BMPR1B: variants seen among roughly 807,000 people sequenced by gnomAD.
BMPR1B encodes the protein bone morphogenetic protein receptor type 1B.
Under a neutral mutation model 59.1 loss-of-function variants are expected in BMPR1B, and 12 were observed. That is an observed-to-expected ratio of 0.20 (90% CI 0.13 to 0.33). BMPR1B has a LOEUF of 0.33. Among genes scored for constraint, BMPR1B ranks in the 10% least tolerant of loss-of-function variants. The pLI is 1.00. For synonymous variants in BMPR1B, 237 were observed against 207.3 expected (o/e 1.14, Z -1.23); for missense variants, 550 against 610.9 (o/e 0.90, Z 1.05).
intron 10 of BMPR1B, among the ~76,000 whole-genome samples, chr4:95,143,429 G>A (rs1734397250): frequency 6.6e-6 from 1 of 152,168 alleles, no homozygotes; most frequent in Admixed American, 6.5e-5. Context: ...ATAGTTTCGT[G>A]TGTCTTTTAA....
chr4:94,986,372 C>T (rs768231162), intron 2 of BMPR1B, among the ~76,000 whole-genome samples: 3 of 152,142 alleles, frequency 2.0e-5, no homozygotes, highest in Admixed American at 6.5e-5. Context: ...GAGTACATTC[C>T]TGTCAGTTTT....
intron 2 of BMPR1B, among the ~76,000 whole-genome samples, chr4:94,947,189 C>T (rs983835396): frequency 3.6e-4 from 55 of 152,296 alleles, no homozygotes; most frequent in African/African-American, 1.3e-3. Context: ...AGATTATTGC[C>T]ACTCAAAAAT....
At chr4:94,927,867 G>A (rs1728949228) in intron 2 of BMPR1B, among the ~76,000 whole-genome samples, 1 of 152,088 alleles carries the variant, frequency 6.6e-6, no homozygotes, top group Non-Finnish European at 1.5e-5. Context: ...TGTGGCAGAG[G>A]TAATGTAAAG....
At chr4:94,857,985 G>A (rs934398987) in intron 1 of BMPR1B, among the ~76,000 whole-genome samples, 19 of 151,584 alleles carry the variant, frequency 1.3e-4, no homozygotes, top group African/African-American at 3.4e-4. Context: ...TCGCTCTGTC[G>A]CCCAGGCTGG....
At chr4:94,878,043 A>G (rs1002826945) in intron 2 of BMPR1B, among the ~76,000 whole-genome samples, 60 of 152,182 alleles carry the variant, frequency 3.9e-4, no homozygotes, top group African/African-American at 1.4e-3. Flanking sequence ...TAATGGCTCT[A>G]TCATCTTGTA....
At position 94,805,697 on chromosome 4, in the gene BMPR1B, G is replaced by C. The variant is rs554730650; in HGVS notation, c.-183+47629G>C. ...CTGATGGGGATAGGGGAATTACTAG[G>C]GGGTATAGTGTCAAAGGAGGGAAAG... On this transcript the variant is annotated intron_variant, in intron 1 of 12. Transcript: ENST00000515059. 1.8e-4 allele frequency among the ~76,000 whole-genome samples: 28 copies of C among 152,202 alleles called. No individual in the cohort carries two copies. The South Asian group carries it at 4.4e-3, about 24-fold the overall frequency.
chr4:94,881,216 C>T (rs937830998), intron 2 of BMPR1B, among the ~76,000 whole-genome samples: 2 of 152,080 alleles, frequency 1.3e-5, no homozygotes, highest in African/African-American at 2.4e-5. Flanking sequence ...GCCCTCAGTC[C>T]TTGGCAACCC....
rs181899033 is a variant in BMPR1B, at chr4:95,103,492, T to A, written c.-17-916T>A. 5.1e-6 allele frequency: 5 copies of A among 985,320 alleles called. No individual in the cohort carries two copies. The East Asian group carries it at 5.7e-4, about 112-fold the overall frequency. 61.0% of individuals were successfully genotyped at this position (985,320 alleles called of 1,614,324 possible). Reference sequence around the variant, plus strand: ...AGTTACATGGCATGTATAAGAGCTCTTACCACAACGCCTGAAACAAAATAG... The same window carrying A: ...AGTTACATGGCATGTATAAGAGCTCATACCACAACGCCTGAAACAAAATAG... On this transcript the variant is annotated intron_variant, in intron 3 of 12. Transcript: ENST00000515059.
intron 3 of BMPR1B, among the ~76,000 whole-genome samples, chr4:95,065,793 C>G (rs1482821644): frequency 6.6e-6 from 1 of 152,030 alleles, no homozygotes; most frequent in African/African-American, 2.4e-5. Context: ...AAATATGCAA[C>G]TAGGAGTCCT....
chr4:95,066,700 C>T (rs73838012), intron 3 of BMPR1B, among the ~76,000 whole-genome samples: 6,385 of 152,244 alleles, frequency 0.042, 459 homozygotes, highest in African/African-American at 0.15. Flanking sequence ...AGTGGCATTA[C>T]ATGGGAACCT....
chr4:95,154,444 T>G (rs1407742606), intron 12 of BMPR1B, 104 bp from the exon 13 acceptor site: 1 of 1,531,086 alleles, frequency 6.5e-7, no homozygotes, highest in Non-Finnish European at 9.0e-7. Context: ...AAGGGTACCT[T>G]TTAAAAATAT....
intron 1 of BMPR1B, among the ~76,000 whole-genome samples, chr4:94,829,503 G>C (rs934453692): frequency 6.6e-6 from 1 of 151,968 alleles, no homozygotes; most frequent in East Asian, 1.9e-4. Context: ...GGGCTCAAGC[G>C]ATCTTGTCAC....
At chr4:94,979,086 A>C (rs776544669) in intron 2 of BMPR1B, among the ~76,000 whole-genome samples, 1 of 152,122 alleles carries the variant, frequency 6.6e-6, no homozygotes, top group Non-Finnish European at 1.5e-5. Flanking sequence ...ACTCACTATC[A>C]TGAGAACAAC....
At chr4:94,945,179 A>C (rs1018057870) in intron 2 of BMPR1B, among the ~76,000 whole-genome samples, 1 of 152,182 alleles carries the variant, frequency 6.6e-6, no homozygotes, top group Non-Finnish European at 1.5e-5. Flanking sequence ...ATTAATATAG[A>C]ATTGCAGTTT....
At chr4:94,845,142 A>C (rs931597406) in intron 1 of BMPR1B, among the ~76,000 whole-genome samples, 3 of 152,158 alleles carry the variant, frequency 2.0e-5, no homozygotes, top group Non-Finnish European at 4.4e-5. Context: ...TATATCATAG[A>C]TGAAATATTT....
At chr4:95,084,411 T>C (rs1294872803) in intron 3 of BMPR1B, among the ~76,000 whole-genome samples, 1 of 152,010 alleles carries the variant, frequency 6.6e-6, no homozygotes, top group Non-Finnish European at 1.5e-5. Context: ...GATTTTCTAG[T>C]TTGTGGCCAG....
intron 1 of BMPR1B, among the ~76,000 whole-genome samples, chr4:94,862,902 G>C (rs888521623): frequency 1.4e-5 from 2 of 145,440 alleles, no homozygotes; most frequent in Non-Finnish European, 3.0e-5. Flanking sequence ...CCGAGATCGC[G>C]CCTCTGCACT....
At chr4:95,125,811 T>C (rs1315440897) in intron 8 of BMPR1B, among the ~76,000 whole-genome samples, 2 of 152,112 alleles carry the variant, frequency 1.3e-5, no homozygotes, top group African/African-American at 4.8e-5. Flanking sequence ...CTTGCACTGT[T>C]ATGTCCTGGG....
intron 1 of BMPR1B, among the ~76,000 whole-genome samples, chr4:94,825,497 C>A (rs1724351351): frequency 6.6e-6 from 1 of 151,940 alleles, no homozygotes; most frequent in African/African-American, 2.4e-5. Flanking sequence ...AGAGTGAGAC[C>A]CTGTCTCAAA....
Sources: gnomAD v4.1 joint callset for allele counts (sites outside exome capture counted in the v4.1 genomes callset) on GRCh38, gnomAD v4.1.1 for gene constraint, MANE v1.5 for transcripts, NCBI Gene and HGNC (gene_info 2026-07-23, HGNC 2026-07-21) for gene names.